The following SLC8A1 variants were observed in gnomAD, a reference collection of about 807,000 sequenced individuals.
SLC8A1 encodes solute carrier family 8 member A1, also known as sodium/calcium exchanger 1.
A neutral mutation model predicts 68.3 loss-of-function variants in SLC8A1; 18 were observed. The ratio of observed to expected loss-of-function variants is 0.26; its 90% CI spans 0.18 to 0.39. The LOEUF is 0.39. Among genes scored for constraint, SLC8A1 ranks in the 10% least tolerant of loss-of-function variants. SLC8A1 has a pLI of 1.00. For missense variants in SLC8A1, 985 were observed against 1,156.7 expected, an observed-to-expected ratio of 0.85 and a Z score of 2.15; for synonymous variants, 475 against 415.5, an observed-to-expected ratio of 1.14 and a Z score of -1.74.
At chr2:40,388,028 A>G (rs953645309) in intron 2 of SLC8A1, among the ~76,000 whole-genome samples, 1 of 151,794 alleles carries the variant, frequency 6.6e-6, no homozygotes, top group Non-Finnish European at 1.5e-5. Flanking sequence ...GCTACTTTGT[A>G]TCTCAAATTG....
chr2:40,200,217 T>C, intron 2 of SLC8A1, among the ~76,000 whole-genome samples: 1 of 7,974 alleles, frequency 1.3e-4, no homozygotes, highest in Admixed American at 2.3e-3. Flanking sequence ...AATATATATA[T>C]ATTTTTTTAT....
At chr2:40,224,999 C>G (rs945472712) in intron 2 of SLC8A1, among the ~76,000 whole-genome samples, 1 of 152,134 alleles carries the variant, frequency 6.6e-6, no homozygotes, top group Non-Finnish European at 1.5e-5. Flanking sequence ...TGATGGAGAG[C>G]TAGAACCTGG....
chr2:40,207,802 CCCTTTTT>C (rs1450039204), intron 2 of SLC8A1, among the ~76,000 whole-genome samples: 2 of 152,072 alleles, frequency 1.3e-5, no homozygotes, highest in Non-Finnish European at 2.9e-5. Context: ...ACTACCCTTT[CCCTTTTT>C]TTAGTATTTC....
chr2:40,218,220 C>T (rs2057784415), intron 2 of SLC8A1, among the ~76,000 whole-genome samples: 1 of 152,130 alleles, frequency 6.6e-6, no homozygotes, highest in African/African-American at 2.4e-5. Context: ...TTAAGGGCAC[C>T]TGAACTGCTA....
At chr2:40,396,770 A>C (rs1267109162) in intron 2 of SLC8A1, among the ~76,000 whole-genome samples, 1 of 121,784 alleles carries the variant, frequency 8.2e-6, no homozygotes, top group African/African-American at 2.7e-5. Flanking sequence ...AAAAAAAAAA[A>C]AAAAAAACAA....
intron 1 of SLC8A1, among the ~76,000 whole-genome samples, chr2:40,440,987 T>C (rs989894990): frequency 6.6e-6 from 1 of 152,322 alleles, no homozygotes; most frequent in South Asian, 2.1e-4. Flanking sequence ...GGAAGTCAGA[T>C]TGTCTCTGTT....
At chr2:40,223,362 G>C (rs894824973) in intron 2 of SLC8A1, among the ~76,000 whole-genome samples, 1 of 152,112 alleles carries the variant, frequency 6.6e-6, no homozygotes, top group South Asian at 2.1e-4. Context: ...ACCAGGGCCT[G>C]TCAGGGGGTG....
intron 2 of SLC8A1, among the ~76,000 whole-genome samples, chr2:40,253,022 T>TA (rs1426236116): frequency 1.0e-5 from 1 of 100,052 alleles, no homozygotes; most frequent in Non-Finnish European, 2.5e-5. Context: ...TCTGTATATA[T>TA]GTATATACAT....
chr2:40,232,006 T>A (rs1166633925), intron 2 of SLC8A1, among the ~76,000 whole-genome samples: 1 of 152,058 alleles, frequency 6.6e-6, no homozygotes, highest in Non-Finnish European at 1.5e-5. Context: ...AAGAATCTAA[T>A]AAAATCCAAT....
intron 2 of SLC8A1, among the ~76,000 whole-genome samples, chr2:40,202,269 T>G (rs2054525026): frequency 6.6e-6 from 1 of 152,004 alleles, no homozygotes; most frequent in Non-Finnish European, 1.5e-5. Context: ...TCCACATCCT[T>G]GCACGTCCAA....
At chr2:40,372,015 G>C (rs964638570) in intron 2 of SLC8A1, among the ~76,000 whole-genome samples, 8 of 152,088 alleles carry the variant, frequency 5.3e-5, no homozygotes, top group Non-Finnish European at 1.2e-4. Context: ...TGGAGCAAAT[G>C]AAATGCTTTT....
intron 1 of SLC8A1, among the ~76,000 whole-genome samples, chr2:40,436,762 G>T (rs34038561): frequency 6.6e-6 from 1 of 151,880 alleles, no homozygotes; most frequent in Non-Finnish European, 1.5e-5. Flanking sequence ...ATGCTAACAC[G>T]GAAATATGGG....
chr2:40,431,067 C>G (rs1698171262), intron 1 of SLC8A1, among the ~76,000 whole-genome samples: 1 of 152,156 alleles, frequency 6.6e-6, no homozygotes, highest in South Asian at 2.1e-4. Context: ...AATTTTCAGC[C>G]AGCCCAGGTC....
At chr2:40,465,465 A>G (rs1274251265) in intron 1 of SLC8A1, among the ~76,000 whole-genome samples, 1 of 152,200 alleles carries the variant, frequency 6.6e-6, no homozygotes, top group Non-Finnish European at 1.5e-5. Flanking sequence ...ACTGATGGCA[A>G]TGTTGCCTGT....
rs112519006 is a variant in SLC8A1 at position 40,397,108 on chromosome 2, G to A, written c.1808+31365C>T. On this transcript the variant is annotated intron_variant, in intron 2 of 7. Coordinates refer to ENST00000406785, the Ensembl canonical transcript of SLC8A1. ...TTTTATTGAACAGAAAAAAGGTGAA[G>A]TATTGTTGTAGGGATTGAATGAGAA... 1.4e-3 allele frequency among the ~76,000 whole-genome samples: 212 copies of A among 152,300 alleles called. 1 individual carries two copies. Among genetic ancestry groups the A allele is most frequent in the African/African-American group, 4.9e-3 (203 of 41,572 alleles).
chr2:40,261,230 G>C (rs2064656509), intron 2 of SLC8A1, among the ~76,000 whole-genome samples: 1 of 152,184 alleles, frequency 6.6e-6, no homozygotes, highest in Non-Finnish European at 1.5e-5. Context: ...TCCCTGTGGA[G>C]TCTCTTCCAT....
chr2:40,406,279 A>G (rs899990997), intron 2 of SLC8A1, among the ~76,000 whole-genome samples: 1 of 152,204 alleles, frequency 6.6e-6, no homozygotes, highest in Non-Finnish European at 1.5e-5. Context: ...AATAGAATGT[A>G]TCACTGTTCT....
At chr2:40,406,404 AAACAT>A (rs1690341636) in intron 2 of SLC8A1, among the ~76,000 whole-genome samples, 2 of 152,164 alleles carry the variant, frequency 1.3e-5, no homozygotes, top group Non-Finnish European at 2.9e-5. Context: ...AATATATAAT[AAACAT>A]GATTACTTAT....
At chr2:40,415,668 T>A (rs2149718017) in intron 2 of SLC8A1, among the ~76,000 whole-genome samples, 1 of 152,038 alleles carries the variant, frequency 6.6e-6, no homozygotes, top group Middle Eastern at 3.4e-3. Context: ...GGACTAATGC[T>A]CTCTTATTCC....
Sources: allele counts gnomAD v4.1 joint callset (sites outside exome capture counted in the v4.1 genomes callset), GRCh38; gene constraint gnomAD v4.1.1; transcripts MANE v1.5; gene names NCBI Gene and HGNC (gene_info 2026-07-23, HGNC 2026-07-21).